DSCAM: variants seen among roughly 807,000 people sequenced by gnomAD.
DSCAM encodes cell adhesion molecule DSCAM.
Under a neutral mutation model 217.7 loss-of-function variants are expected in DSCAM, and 47 were observed. The ratio of observed to expected loss-of-function variants is 0.22; its 90% CI spans 0.17 to 0.28. The LOEUF (loss-of-function observed/expected upper bound fraction) is 0.28. Ranked by LOEUF, DSCAM falls within the 10% of genes least tolerant of loss-of-function variation. The probability of loss-of-function intolerance (pLI) is 1.00; values close to 1 mark genes in which losing one functional copy is unlikely to be tolerated. For missense variants in DSCAM, 2,080 were observed against 2,618.3 expected (o/e 0.79, Z 4.49); for synonymous variants, 1,056 against 1,015.3 (o/e 1.04, Z -0.76).
At chr21:40,573,920 T>C (rs982164724) in intron 3 of DSCAM, among the ~76,000 whole-genome samples, 3 of 152,094 alleles carry the variant, frequency 2.0e-5, no homozygotes, top group African/African-American at 7.2e-5. Context: ...TTATCACAAC[T>C]GATGCAAGAA....
intron 3 of DSCAM, among the ~76,000 whole-genome samples, chr21:40,606,665 A>T (rs2089243028): frequency 6.6e-6 from 1 of 152,212 alleles, no homozygotes; most frequent in South Asian, 2.1e-4. Context: ...GTAGCTGAGC[A>T]GCCCACTTCT....
intron 3 of DSCAM, among the ~76,000 whole-genome samples, chr21:40,491,205 T>G (rs2076073678): frequency 6.6e-6 from 1 of 152,176 alleles, no homozygotes; most frequent in African/African-American, 2.4e-5. Flanking sequence ...TAGTGAAAAA[T>G]CTATTTTTCT....
intron 8 of DSCAM, among the ~76,000 whole-genome samples, chr21:40,332,165 A>C (rs1446676267): frequency 6.6e-6 from 1 of 152,082 alleles, no homozygotes; most frequent in African/African-American, 2.4e-5. Context: ...TTAGTCCCTC[A>C]ATATCTTTTG....
At chr21:40,462,266 TGATGTGGCACCAAGACCAGTAGCA>T (rs2075812067) in intron 3 of DSCAM, among the ~76,000 whole-genome samples, 1 of 152,184 alleles carries the variant, frequency 6.6e-6, no homozygotes, top group Non-Finnish European at 1.5e-5. Flanking sequence ...GAGGCTCTCA[TGATGTGGCACCAAGACCAGTAGCA>T]GAAGTGTCAC....
intron 1 of DSCAM, among the ~76,000 whole-genome samples, chr21:40,799,071 C>G (rs1205000209): frequency 6.6e-6 from 1 of 152,000 alleles, no homozygotes; most frequent in Non-Finnish European, 1.5e-5. Context: ...AGTTTGTAGG[C>G]AAAGGATGGT....
intron 32 of DSCAM, among the ~76,000 whole-genome samples, chr21:40,019,338 T>C (rs1419425877): frequency 6.6e-6 from 1 of 152,182 alleles, no homozygotes. Flanking sequence ...GCTTTAATTG[T>C]GGTGATGAGG....
chr21:40,447,124 A>C (rs1364793556), intron 3 of DSCAM, among the ~76,000 whole-genome samples: 2 of 152,134 alleles, frequency 1.3e-5, no homozygotes, highest in East Asian at 3.9e-4. Flanking sequence ...ACTGTAGGGA[A>C]CCCACCAATG....
intron 19 of DSCAM, among the ~76,000 whole-genome samples, chr21:40,129,351 T>C (rs2090131345): frequency 6.6e-6 from 1 of 152,244 alleles, no homozygotes; most frequent in Non-Finnish European, 1.5e-5. Flanking sequence ...TTTTTGGCCT[T>C]TCCTCTCACT....
chr21:40,211,497 C>T (rs2091183546), intron 11 of DSCAM, among the ~76,000 whole-genome samples: 2 of 152,232 alleles, frequency 1.3e-5, no homozygotes, highest in South Asian at 4.1e-4. Context: ...ATTACATACC[C>T]ACCAGCAATG....
At chr21:40,449,814 T>C (rs2837634) in intron 3 of DSCAM, among the ~76,000 whole-genome samples, 47,549 of 152,038 alleles carry the variant, frequency 0.31, 7,798 homozygotes, top group Non-Finnish European at 0.37. Flanking sequence ...AGATTAGGCA[T>C]ACTGTACCTC....
intron 1 of DSCAM, among the ~76,000 whole-genome samples, chr21:40,745,790 C>T (rs1362204822): frequency 6.6e-6 from 1 of 151,990 alleles, no homozygotes; most frequent in Non-Finnish European, 1.5e-5. Flanking sequence ...GAACGTAAAC[C>T]ACTTGGATCT....
At chr21:40,068,340 A>T (rs1182444182) in intron 27 of DSCAM, among the ~76,000 whole-genome samples, 2 of 152,166 alleles carry the variant, frequency 1.3e-5, no homozygotes, top group East Asian at 3.9e-4. Flanking sequence ...GTAGCTGAGG[A>T]CAGAATACTC....
At chr21:40,457,399 C>G (rs1246426518) in intron 3 of DSCAM, among the ~76,000 whole-genome samples, 29 of 152,042 alleles carry the variant, frequency 1.9e-4, no homozygotes, top group Admixed American at 1.9e-3. Flanking sequence ...GTGGTCCCAG[C>G]TACTCAGGAG....
chr21:40,020,813 T>C (rs1003936501), intron 32 of DSCAM, among the ~76,000 whole-genome samples: 5 of 152,218 alleles, frequency 3.3e-5, no homozygotes, highest in Non-Finnish European at 7.3e-5. Context: ...CACAGAGTCC[T>C]GCCTGGGCCT....
At chr21:40,616,745 CG>C (rs1370393362) in intron 3 of DSCAM, among the ~76,000 whole-genome samples, 2 of 152,060 alleles carry the variant, frequency 1.3e-5, no homozygotes, top group African/African-American at 4.8e-5. Flanking sequence ...TGGCCGGGCG[CG>C]GTGGCTCACG....
intron 11 of DSCAM, among the ~76,000 whole-genome samples, chr21:40,270,614 C>T (rs1483582162): frequency 6.6e-6 from 1 of 152,164 alleles, no homozygotes; most frequent in Non-Finnish European, 1.5e-5. Flanking sequence ...CTACCCAAAT[C>T]TCATGCTCAA....
intron 9 of DSCAM, among the ~76,000 whole-genome samples, chr21:40,309,132 T>A (rs2074111056): frequency 6.6e-6 from 1 of 152,212 alleles, no homozygotes; most frequent in Non-Finnish European, 1.5e-5. Context: ...CATGTCCATT[T>A]CCAACTTTGT....
intron 1 of DSCAM, among the ~76,000 whole-genome samples, chr21:40,726,825 GATCA>G (rs1023865043): frequency 2.0e-5 from 3 of 152,138 alleles, no homozygotes; most frequent in Non-Finnish European, 2.9e-5. Flanking sequence ...CTCATGAATA[GATCA>G]ATCCATGAAT....
intron 3 of DSCAM, among the ~76,000 whole-genome samples, chr21:40,627,250 T>C (rs114904730): frequency 3.3e-5 from 5 of 152,082 alleles, no homozygotes; most frequent in Admixed American, 2.0e-4. Flanking sequence ...GACTGAAAAA[T>C]TGATAACAGA....
Sources: gnomAD v4.1 joint callset for allele counts (sites outside exome capture counted in the v4.1 genomes callset) on GRCh38, gnomAD v4.1.1 for gene constraint, MANE v1.5 for transcripts, NCBI Gene and HGNC (gene_info 2026-07-23, HGNC 2026-07-21) for gene names.